MTX2: variants seen among roughly 807,000 people sequenced by gnomAD.
The protein encoded by MTX2 is metaxin 2.
Under a neutral mutation model 42.3 loss-of-function variants are expected in MTX2, and 35 were observed. The ratio of observed to expected loss-of-function variants is 0.83; its 90% CI spans 0.63 to 1.10. The LOEUF (loss-of-function observed/expected upper bound fraction) is 1.10, where lower values mean the gene tolerates loss of function less well. Among genes scored for constraint, MTX2 ranks in the 50% least tolerant of loss-of-function variants. MTX2 has a pLI of 0.00. For missense variants in MTX2, 307 were observed against 304.1 expected, an observed-to-expected ratio of 1.01 and a Z score of -0.07; for synonymous variants, 119 against 100.9, an observed-to-expected ratio of 1.18 and a Z score of -1.08.
chr2:176,329,827 A>G (rs1383823153), intron 8 of MTX2, among the ~76,000 whole-genome samples: 1 of 149,206 alleles, frequency 6.7e-6, no homozygotes, highest in Non-Finnish European at 1.5e-5. Context: ...AACTAAATAT[A>G]GATCTGCAGC....
intron 9 of MTX2, among the ~76,000 whole-genome samples, chr2:176,334,083 T>C (rs1684930593): frequency 6.6e-6 from 1 of 151,752 alleles, no homozygotes. Context: ...TAAAATCAGA[T>C]CAGTTTTTAT....
chr2:176,303,215 T>C (rs1684067756), intron 3 of MTX2, among the ~76,000 whole-genome samples: 1 of 152,060 alleles, frequency 6.6e-6, no homozygotes, highest in Non-Finnish European at 1.5e-5. Context: ...TATAATATTT[T>C]ATGAAAAAGA....
chr2:176,281,127 T>C (rs912819610), intron 1 of MTX2, among the ~76,000 whole-genome samples: 1 of 152,030 alleles, frequency 6.6e-6, no homozygotes, highest in Non-Finnish European at 1.5e-5. Flanking sequence ...GTGTAGTCTC[T>C]GTTGATTAGA....
chr2:176,308,756 A>G (rs567682485), intron 3 of MTX2, among the ~76,000 whole-genome samples: 1 of 151,884 alleles, frequency 6.6e-6, no homozygotes, highest in African/African-American at 2.4e-5. Context: ...GTCATTTTTT[A>G]TTGTGTCTAT....
chr2:176,327,586 T>C (rs1214003302), intron 5 of MTX2, among the ~76,000 whole-genome samples: 1 of 149,390 alleles, frequency 6.7e-6, no homozygotes. Flanking sequence ...ATTTTTTTTT[T>C]CTTCAACACC....
rs1363087360 is a variant in MTX2 at position 176,337,591 on chromosome 2, G to A, written c.719G>A (p.Ser240Asn). 2 of 1,613,294 alleles carry A rather than the reference G, an allele frequency of 1.2e-6. No individual in the cohort carries two copies. Among genetic ancestry groups the A allele is most frequent in the Non-Finnish European group, 1.7e-6 (2 of 1,179,618 alleles). Residue 240 changes from serine to asparagine, a missense_variant, in exon 10 of 10, where the codon AGC becomes AAC. Ser to Asn is a conservative substitution (Grantham distance 46). Transcript: ENST00000249442. ...CTTTCTGAGAAGGTGAAAAACTATA[G>A]CAACCTCCTTGCTTTCTGTAGGAGA... The part of the protein sequence containing the change: ...DELSEKVKNY[S>N]NLLAFCRRIE...
intron 3 of MTX2, among the ~76,000 whole-genome samples, chr2:176,299,180 A>G (rs1683965028): frequency 6.6e-6 from 1 of 152,100 alleles, no homozygotes; most frequent in Admixed American, 6.6e-5. Context: ...GTTGAGTGCT[A>G]TTCTCATCCA....
intron 4 of MTX2, among the ~76,000 whole-genome samples, chr2:176,325,032 TTAAC>T (rs1209984707): frequency 2.6e-5 from 4 of 151,742 alleles, no homozygotes; most frequent in African/African-American, 2.4e-5. Flanking sequence ...TAGGAAATCT[TTAAC>T]TAATCCTTCT....
At position 176,336,991 on chromosome 2, in the gene MTX2, A is replaced by T. The variant is rs896697468; in HGVS notation, c.621-502A>T. Among the ~76,000 whole-genome samples, 5 of 152,316 alleles carry T rather than the reference A, an allele frequency of 3.3e-5. No individual in the cohort carries two copies. In the South Asian group the frequency reaches 1.0e-3, roughly 32 times the overall value. The stretch of plus-strand genomic sequence containing the variant: ...CGTAAACTTAATGTATTGAGAAAGA[A>T]AGAAAAAATGGTGCAGTGTTTGCAT... On this transcript the variant is annotated intron_variant, in intron 9 of 9. Coordinates refer to ENST00000249442, the MANE Select transcript of MTX2 (RefSeq NM_006554.5).
At chr2:176,318,188 T>G (rs1684492394) in intron 3 of MTX2, among the ~76,000 whole-genome samples, 1 of 152,158 alleles carries the variant, frequency 6.6e-6, no homozygotes, top group Admixed American at 6.5e-5. Flanking sequence ...GTTGCAGAGA[T>G]AAATGTGTAA....
chr2:176,270,545 C>A, intron 1 of MTX2: 1 of 514,958 alleles, frequency 1.9e-6, no homozygotes, highest in Non-Finnish European at 3.2e-6. Flanking sequence ...TCATAACTCC[C>A]TAGCAGTGTT....
At chr2:176,307,045 A>G (rs1684167476) in intron 3 of MTX2, among the ~76,000 whole-genome samples, 1 of 152,164 alleles carries the variant, frequency 6.6e-6, no homozygotes, top group South Asian at 2.1e-4. Context: ...TTTTAGGTCT[A>G]ACATTTAAGT....
intron 1 of MTX2, among the ~76,000 whole-genome samples, chr2:176,284,092 T>C (rs1693139964): frequency 6.6e-6 from 1 of 152,030 alleles, no homozygotes; most frequent in Admixed American, 6.6e-5. Flanking sequence ...TAATGAAAAA[T>C]AATGGATTTT....
intron 1 of MTX2, among the ~76,000 whole-genome samples, chr2:176,291,128 A>G (rs1693319573): frequency 1.3e-5 from 2 of 152,224 alleles, no homozygotes; most frequent in African/African-American, 4.8e-5. Flanking sequence ...CATGCACATT[A>G]TAAAACATAC....
chr2:176,325,947 A>T (rs760668402), intron 4 of MTX2, among the ~76,000 whole-genome samples: 19 of 151,244 alleles, frequency 1.3e-4, no homozygotes, highest in Non-Finnish European at 2.8e-4. Flanking sequence ...TACTTCATCC[A>T]TTACCCCCAG....
chr2:176,302,264 A>G (rs1575045773), intron 3 of MTX2, among the ~76,000 whole-genome samples: 1 of 152,004 alleles, frequency 6.6e-6, no homozygotes, highest in East Asian at 1.9e-4. Flanking sequence ...TACTTCAAGT[A>G]AGAATAGCAT....
chr2:176,291,634 A>G (rs1693330153), intron 1 of MTX2, among the ~76,000 whole-genome samples: 1 of 152,146 alleles, frequency 6.6e-6, no homozygotes, highest in Non-Finnish European at 1.5e-5. Context: ...GGCCCAGTGC[A>G]ACATGAAAGT....
intron 9 of MTX2, among the ~76,000 whole-genome samples, chr2:176,335,831 C>T (rs1006936462): frequency 2.0e-5 from 3 of 152,116 alleles, no homozygotes. Context: ...CATCCTGCTC[C>T]ACAGATACTC....
intron 3 of MTX2, among the ~76,000 whole-genome samples, chr2:176,315,722 C>T (rs1164544489): frequency 1.3e-5 from 2 of 151,234 alleles, no homozygotes; most frequent in Non-Finnish European, 2.9e-5. Context: ...GTACTCACTT[C>T]TTTACTCCCA....
Sources: allele counts gnomAD v4.1 joint callset (sites outside exome capture counted in the v4.1 genomes callset), GRCh38; gene constraint gnomAD v4.1.1; transcripts MANE v1.5; gene names NCBI Gene and HGNC (gene_info 2026-07-23, HGNC 2026-07-21).